The following KCNK13 variants were observed in gnomAD, a reference collection of about 807,000 sequenced individuals.
The protein encoded by KCNK13 is potassium two pore domain channel subfamily K member 13.
A neutral mutation model predicts 23.4 loss-of-function variants in KCNK13; 12 were observed. That is an observed-to-expected ratio of 0.51 (90% CI 0.33 to 0.83). The LOEUF is 0.83. Ranked by LOEUF, KCNK13 falls within the 40% of genes least tolerant of loss-of-function variation. The pLI is 0.02. For synonymous variants in KCNK13, 231 were observed against 229.5 expected (o/e 1.01, Z -0.06); for missense variants, 463 against 556.3 (o/e 0.83, Z 1.69).
intron 1 of KCNK13, among the ~76,000 whole-genome samples, chr14:90,167,048 T>TA (rs1890312272): frequency 6.6e-6 from 1 of 152,204 alleles, no homozygotes; most frequent in Non-Finnish European, 1.5e-5. Flanking sequence ...GCAAGTTACT[T>TA]AACCTCTGTG....
intron 1 of KCNK13, among the ~76,000 whole-genome samples, chr14:90,156,583 A>C (rs1352602035): frequency 1.3e-5 from 2 of 152,172 alleles, no homozygotes; most frequent in Non-Finnish European, 2.9e-5. Flanking sequence ...AGAGAAGGAC[A>C]ACTGTGAGCC....
chr14:90,081,961 T>G (rs1180665256), intron 1 of KCNK13, among the ~76,000 whole-genome samples: 2 of 152,224 alleles, frequency 1.3e-5, no homozygotes, highest in Non-Finnish European at 2.9e-5. Flanking sequence ...TCCTTTCCAT[T>G]TCTCCACCAT....
chr14:90,154,905 G>C (rs955095690), intron 1 of KCNK13, among the ~76,000 whole-genome samples: 1 of 152,168 alleles, frequency 6.6e-6, no homozygotes, highest in African/African-American at 2.4e-5. Flanking sequence ...ACTATGTACT[G>C]TATGTACAAA....
At chr14:90,116,715 G>A (rs1202114802) in intron 1 of KCNK13, among the ~76,000 whole-genome samples, 1 of 152,184 alleles carries the variant, frequency 6.6e-6, no homozygotes, top group Non-Finnish European at 1.5e-5. Context: ...CAGCAGGCAA[G>A]GTGAATGCAG....
intron 1 of KCNK13, among the ~76,000 whole-genome samples, chr14:90,127,574 A>G (rs1396169262): frequency 1.4e-5 from 2 of 147,936 alleles, no homozygotes; most frequent in Non-Finnish European, 3.0e-5. Context: ...ACACTTTGGG[A>G]GGCTGAGGCA....
rs1890539173 is a variant in KCNK13 at position 90,185,372 on chromosome 14, T to C, written c.*369T>C. The C allele has an allele frequency of 1.2e-5, 2 of 169,664 alleles. No homozygotes were observed. Among genetic ancestry groups the C allele is most frequent in the Admixed American group, 1.2e-4 (2 of 16,416 alleles). The allele number at this position is 169,664 out of a possible 1,614,324, so 10.5% of individuals were successfully genotyped here. Reference sequence around the variant, plus strand: ...TTCCTGAAGCTCTCTCTGTTCCTTATTTGGGAACAAAAATTGCGAAGACTC... The same window carrying C: ...TTCCTGAAGCTCTCTCTGTTCCTTACTTGGGAACAAAAATTGCGAAGACTC... On this transcript the variant is annotated 3_prime_UTR_variant, in exon 2 of 2. Coordinates refer to ENST00000282146, the MANE Select transcript of KCNK13 (RefSeq NM_022054.4).
In KCNK13 at chr14:90,098,008, G is replaced by C. The variant is rs532784894; in HGVS notation, c.334+35469G>C. ...CAGGTCTCTCTCTCTCTCTCTCAGTGTTCCAGGGCAGAAACTTCCCTCCTG... is the reference window on the plus strand; with the variant it reads ...CAGGTCTCTCTCTCTCTCTCTCAGTCTTCCAGGGCAGAAACTTCCCTCCTG... On this transcript the variant is annotated intron_variant, in intron 1 of 1. Transcript: ENST00000282146. Among the ~76,000 whole-genome samples the C allele has an allele frequency of 3.3e-5, 5 of 152,246 alleles. No individual in the cohort carries two copies. In the South Asian group the frequency reaches 1.0e-3, roughly 32 times the overall value.
intron 1 of KCNK13, among the ~76,000 whole-genome samples, chr14:90,134,115 G>C (rs139044111): frequency 6.6e-6 from 1 of 152,156 alleles, no homozygotes; most frequent in African/African-American, 2.4e-5. Flanking sequence ...TTACTCGGGA[G>C]GCTGAAATAG....
chr14:90,086,935 A>T (rs1161900024), intron 1 of KCNK13, among the ~76,000 whole-genome samples: 1 of 151,860 alleles, frequency 6.6e-6, no homozygotes, highest in East Asian at 1.9e-4. Flanking sequence ...ATGAATGATG[A>T]ATGTAGGTAA....
rs765235631 is a variant in KCNK13 at position 90,184,638 on chromosome 14, A to T, written c.862A>T (p.Asn288Tyr). Reference protein sequence around the residue: ...VISILIKQSLNWILRKMDSGC... With the variant: ...VISILIKQSLYWILRKMDSGC... Reference sequence around the variant, plus strand: ...CTCTATCCTCATCAAACAGTCCTTGAACTGGATCCTGAGGAAAATGGACAG... The same window carrying T: ...CTCTATCCTCATCAAACAGTCCTTGTACTGGATCCTGAGGAAAATGGACAG... Residue 288 changes from asparagine to tyrosine, a missense_variant, in exon 2 of 2, where the codon AAC becomes TAC. By Grantham distance (143) the Asn-to-Tyr change is moderately radical (BLOSUM62 -2). Coordinates refer to ENST00000282146, the MANE Select transcript of KCNK13 (RefSeq NM_022054.4). The surrounding 1 kb of genome is among the most constrained non-coding windows in gnomAD (Gnocchi z 5.6). 6.2e-7 allele frequency: 1 copy of T among 1,614,106 alleles called. No homozygotes were observed. Among genetic ancestry groups the T allele is most frequent in the Admixed American group, 1.7e-5 (1 of 60,004 alleles).
chr14:90,067,061 G>C (rs886241583), intron 1 of KCNK13, among the ~76,000 whole-genome samples: 1 of 152,242 alleles, frequency 6.6e-6, no homozygotes, highest in East Asian at 1.9e-4. Flanking sequence ...ACGAGGTCAG[G>C]AGTTCGAGAC....
At chr14:90,135,429 A>G (rs1889923867) in intron 1 of KCNK13, among the ~76,000 whole-genome samples, 1 of 152,184 alleles carries the variant, frequency 6.6e-6, no homozygotes, top group Non-Finnish European at 1.5e-5. Flanking sequence ...CTGATAAAGG[A>G]TGCTGCATAA....
At chr14:90,072,376 A>T (rs755392761) in intron 1 of KCNK13, among the ~76,000 whole-genome samples, 63 of 152,158 alleles carry the variant, frequency 4.1e-4, no homozygotes, top group Non-Finnish European at 7.6e-4. Context: ...GTAGGACATT[A>T]GGGAGCAGTA....
intron 1 of KCNK13, among the ~76,000 whole-genome samples, chr14:90,105,454 AG>A: frequency 6.6e-6 from 1 of 152,272 alleles, no homozygotes; most frequent in South Asian, 2.1e-4. Context: ...GGATAAATCA[AG>A]TGACAGAACA....
At chr14:90,139,875 T>A (rs1411152011) in intron 1 of KCNK13, among the ~76,000 whole-genome samples, 1 of 152,104 alleles carries the variant, frequency 6.6e-6, no homozygotes. Context: ...ACCATGAGAA[T>A]CGCTTGAACC....
chr14:90,074,189 C>T (rs1453463935), intron 1 of KCNK13, among the ~76,000 whole-genome samples: 3 of 152,256 alleles, frequency 2.0e-5, no homozygotes, highest in South Asian at 4.2e-4. Context: ...AGGCTGGTCT[C>T]GAACTCCTGA....
chr14:90,091,041 A>C (rs906470169), intron 1 of KCNK13, among the ~76,000 whole-genome samples: 20 of 152,212 alleles, frequency 1.3e-4, no homozygotes, highest in Admixed American at 1.2e-3. Flanking sequence ...CCTGCCATTC[A>C]TCTCTATGTT....
chr14:90,100,637 G>A (rs967127410), intron 1 of KCNK13, among the ~76,000 whole-genome samples: 14 of 152,134 alleles, frequency 9.2e-5, no homozygotes, highest in Non-Finnish European at 1.5e-4. Context: ...GAATGACTTC[G>A]AAAAATAGTC....
chr14:90,133,275 A>T (rs1161609271), intron 1 of KCNK13, among the ~76,000 whole-genome samples: 1 of 152,216 alleles, frequency 6.6e-6, no homozygotes, highest in Non-Finnish European at 1.5e-5. Flanking sequence ...GAAAGAAACC[A>T]GTTGCAAAAG....
Sources: gnomAD v4.1 joint callset for allele counts (sites outside exome capture counted in the v4.1 genomes callset) on GRCh38, gnomAD v4.1.1 for gene constraint, Gnocchi (gnomAD v3.1) non-coding constraint, MANE v1.5 for transcripts, NCBI Gene and HGNC (gene_info 2026-07-23, HGNC 2026-07-21) for gene names.